MCCC2: variants seen among roughly 807,000 people sequenced by gnomAD.
The protein encoded by MCCC2 is methylcrotonyl-CoA carboxylase subunit 2.
MCCC2 carries 52 observed loss-of-function variants against 77.2 expected under a neutral mutation model. The observed-to-expected ratio is 0.67, with a 90% CI of 0.54 to 0.85. MCCC2 has a LOEUF of 0.85. Ranked by LOEUF, MCCC2 falls within the 40% of genes least tolerant of loss-of-function variation. The probability of loss-of-function intolerance (pLI) is 0.00; values close to 1 mark genes in which losing one functional copy is unlikely to be tolerated. For synonymous variants in MCCC2, 253 were observed against 248.4 expected (o/e 1.02, Z -0.18); for missense variants, 682 against 703.2 (o/e 0.97, Z 0.34).
chr5:71,600,972 G>A (rs924094688), intron 4 of MCCC2, among the ~76,000 whole-genome samples: 1 of 152,218 alleles, frequency 6.6e-6, no homozygotes, highest in African/African-American at 2.4e-5. Context: ...CCGAGCCTCA[G>A]TGGGAACTCT....
chr5:71,656,317 C>T (rs983349221), intron 16 of MCCC2, among the ~76,000 whole-genome samples: 8 of 152,112 alleles, frequency 5.3e-5, no homozygotes, highest in African/African-American at 1.9e-4. Flanking sequence ...GGGGAATATA[C>T]ATTTTCCAGT....
chr5:71,625,280 A>G (rs1746499085), intron 6 of MCCC2, among the ~76,000 whole-genome samples: 1 of 152,212 alleles, frequency 6.6e-6, no homozygotes, highest in Non-Finnish European at 1.5e-5. Context: ...TGGTACAGAG[A>G]ACAGGATGCT....
At chr5:71,636,998 C>T (rs1580321829) in intron 10 of MCCC2, among the ~76,000 whole-genome samples, 1 of 152,124 alleles carries the variant, frequency 6.6e-6, no homozygotes, top group South Asian at 2.1e-4. Context: ...CCCACCTCAG[C>T]CTTCCGAAGT....
chr5:71,590,685 C>T (rs1371768957), intron 1 of MCCC2, among the ~76,000 whole-genome samples: 3 of 152,072 alleles, frequency 2.0e-5, no homozygotes, highest in Admixed American at 6.6e-5. Flanking sequence ...GGCATGGTGG[C>T]GCACGCCTGT....
chr5:71,649,326 G>A (rs1308886316), intron 14 of MCCC2, 73 bp downstream of exon 14: 2 of 1,403,756 alleles, frequency 1.4e-6, no homozygotes, highest in Admixed American at 3.4e-5. Context: ...TTTATTTCAG[G>A]TGTATTTGAA....
intron 1 of MCCC2, 53 bp from the exon 2 acceptor site, chr5:71,592,873 A>T (rs1281515519): frequency 2.9e-6 from 4 of 1,357,394 alleles, no homozygotes; most frequent in Non-Finnish European, 4.2e-6. Flanking sequence ...TTTTGGTAAA[A>T]AGGAATTGCT....
At chr5:71,652,553 C>T in intron 15 of MCCC2, 116 bp from the exon 16 acceptor site, 1 of 801,336 alleles carries the variant, frequency 1.2e-6, no homozygotes, top group Non-Finnish European at 2.2e-6. Flanking sequence ...TCACTATGCA[C>T]ATGTTAGATG....
chr5:71,649,604 G>C (rs892929619), intron 14 of MCCC2, among the ~76,000 whole-genome samples: 1 of 152,228 alleles, frequency 6.6e-6, no homozygotes, highest in African/African-American at 2.4e-5. Context: ...GCCTTCATCT[G>C]TGGGAAGTTC....
chr5:71,611,238 A>C (rs917638602), intron 6 of MCCC2, among the ~76,000 whole-genome samples: 1 of 152,026 alleles, frequency 6.6e-6, no homozygotes, highest in Non-Finnish European at 1.5e-5. Context: ...CTGTCTCTAC[A>C]AAAAAATAAA....
chr5:71,588,138 G>A (rs191388432), intron 1 of MCCC2, among the ~76,000 whole-genome samples: 3 of 151,952 alleles, frequency 2.0e-5, no homozygotes, highest in East Asian at 3.9e-4. Flanking sequence ...GCATGGTGGC[G>A]CGCGCCTGTA....
intron 6 of MCCC2, among the ~76,000 whole-genome samples, chr5:71,611,328 G>T (rs1271703226): frequency 6.6e-6 from 1 of 152,138 alleles, no homozygotes; most frequent in African/African-American, 2.4e-5. Flanking sequence ...CTTGAGCCTT[G>T]GAGTTTGAGG....
chr5:71,608,523 T>C (rs2112347006), intron 6 of MCCC2, among the ~76,000 whole-genome samples: 2 of 150,634 alleles, frequency 1.3e-5, no homozygotes, highest in Admixed American at 1.3e-4. Context: ...GTCTTGACTC[T>C]TTATCCAGTT....
intron 1 of MCCC2, among the ~76,000 whole-genome samples, chr5:71,589,015 G>A (rs1463485473): frequency 6.6e-6 from 1 of 152,200 alleles, no homozygotes; most frequent in African/African-American, 2.4e-5. Context: ...CAATGTGGAG[G>A]ATGGATTGAT....
At chr5:71,633,115 A>G (rs1561841310) in intron 8 of MCCC2, among the ~76,000 whole-genome samples, 1 of 38,044 alleles carries the variant, frequency 2.6e-5, no homozygotes, top group African/African-American at 6.1e-5. Context: ...ATATATATAT[A>G]TATATATATA....
chr5:71,615,331 C>A (rs1746125821), intron 6 of MCCC2, among the ~76,000 whole-genome samples: 1 of 152,186 alleles, frequency 6.6e-6, no homozygotes, highest in African/African-American at 2.4e-5. Flanking sequence ...AACCTCCATG[C>A]CCTACGAGAG....
chr5:71,652,156 T>C (rs1747453329), intron 15 of MCCC2, among the ~76,000 whole-genome samples: 1 of 152,230 alleles, frequency 6.6e-6, no homozygotes, highest in South Asian at 2.1e-4. Flanking sequence ...GTAATACTGA[T>C]GGGAAGGCTG....
chr5:71,604,543 T>C, intron 6 of MCCC2, 75 bp downstream of exon 6: 2 of 1,144,748 alleles, frequency 1.7e-6, no homozygotes, highest in Non-Finnish European at 2.6e-6. Flanking sequence ...TACTCTGGGA[T>C]GGCTTGAAAG....
In MCCC2 at chr5:71,649,694, C is replaced by A. The variant is rs367613079; in HGVS notation, c.1374-375C>A. ...CATCAGATAGAAGAATCAGTATAGC[C>A]CAAAGTTGTTTGGTTTGAAAGTTCA... On this transcript the variant is annotated intron_variant, in intron 14 of 16. Transcript: ENST00000340941. 1.2e-4 allele frequency among the ~76,000 whole-genome samples: 19 copies of A among 152,206 alleles called. 1 individual carries two copies. The highest frequency in any genetic ancestry group is 4.6e-4 in the African/African-American group (19 of 41,528).
chr5:71,607,123 A>G (rs1745713415), intron 6 of MCCC2, among the ~76,000 whole-genome samples: 1 of 151,928 alleles, frequency 6.6e-6, no homozygotes, highest in African/African-American at 2.4e-5. Flanking sequence ...CTCTTTTTCT[A>G]CTGATTGGAA....
Sources: allele counts gnomAD v4.1 joint callset (sites outside exome capture counted in the v4.1 genomes callset), GRCh38; gene constraint gnomAD v4.1.1; transcripts MANE v1.5; gene names NCBI Gene and HGNC (gene_info 2026-07-23, HGNC 2026-07-21).